The following CASP10 variants were observed in gnomAD, a reference collection of about 807,000 sequenced individuals.
The protein encoded by CASP10 is caspase-10.
Under a neutral mutation model 48.5 loss-of-function variants are expected in CASP10, and 41 were observed. The observed-to-expected ratio is 0.85, with a 90% CI of 0.66 to 1.10. The LOEUF (loss-of-function observed/expected upper bound fraction) is 1.10. Among genes scored for constraint, CASP10 ranks in the 50% least tolerant of loss-of-function variants. The probability of loss-of-function intolerance (pLI) is 0.00; values close to 1 mark genes in which losing one functional copy is unlikely to be tolerated. For synonymous variants in CASP10, 232 were observed against 238.4 expected (o/e 0.97, Z 0.25); for missense variants, 614 against 614.5 (o/e 1.00, Z 0.01).
intron 5 of CASP10, 33 bp downstream of exon 5, chr2:201,195,981 C>A: frequency 6.9e-7 from 1 of 1,442,474 alleles, no homozygotes; most frequent in South Asian, 1.1e-5. Context: ...CAATGCTTAA[C>A]AACCGGCTCC....
At position 201,215,636 on chromosome 2, in the gene CASP10, A is replaced by G. The variant is rs544245901; in HGVS notation, c.1416-1952A>G. Among the ~76,000 whole-genome samples, 6 of 152,230 alleles carry G rather than the reference A, an allele frequency of 3.9e-5. No homozygotes were observed. The South Asian group carries it at 6.2e-4, about 16-fold the overall frequency. On this transcript the variant is annotated intron_variant, in intron 9 of 9. Transcript: ENST00000286186. ...ATGTGTCTGTTTTTATACCACTACC[A>G]TGCTGTTTTGGTAACTCTAGATTTG...
At position 201,220,175 on chromosome 2, in the gene CASP10, A is replaced by G; in HGVS notation, c.*2434A>G. 5.1e-6 allele frequency: 5 copies of G among 983,076 alleles called. No individual in the cohort carries two copies. Among genetic ancestry groups the G allele is most frequent in the Non-Finnish European group, 6.0e-6 (5 of 827,754 alleles). The allele number at this position is 983,076 out of a possible 1,614,324, so 60.9% of individuals were successfully genotyped here. A position where few individuals can be genotyped will look rare whatever the true frequency, so the allele number is the denominator to read the frequency against. On this transcript the variant is annotated 3_prime_UTR_variant, in exon 10 of 10. Transcript: ENST00000286186. The stretch of plus-strand genomic sequence containing the variant: ...GTCTAATCTATATTGACAGGGCAGG[A>G]ACACCGTCATCTTAGACAAACACCG...
At chr2:201,225,189 G>A (rs939041146), downstream of CASP10, among the ~76,000 whole-genome samples, 3 of 152,218 alleles carry the variant, frequency 2.0e-5, no homozygotes, top group East Asian at 3.9e-4. Context: ...TTGTCTTCCC[G>A]ATGTCAGCAC....
intron 4 of CASP10, chr2:201,193,338 G>A: frequency 9.6e-6 from 4 of 418,042 alleles, no homozygotes; most frequent in South Asian, 8.2e-5. Flanking sequence ...CTCCCGAGTA[G>A]CTGGGATTAC....
intron 4 of CASP10, 152 bp downstream of exon 4, chr2:201,193,271 G>A: frequency 6.9e-6 from 5 of 721,138 alleles, no homozygotes; most frequent in Non-Finnish European, 1.2e-5. Flanking sequence ...GCAGTGGTGT[G>A]ATCTTGGCTC....
At chr2:201,214,534 T>G (rs534201948) in intron 9 of CASP10, 1 of 152,278 alleles carries the variant, frequency 6.6e-6, no homozygotes, top group African/African-American at 2.4e-5. Context: ...TTGAATTAGT[T>G]AAAGAATAAT....
intron 9 of CASP10, 34 bp downstream of exon 9, chr2:201,209,596 A>C (rs764208955): frequency 1.3e-6 from 2 of 1,579,534 alleles, no homozygotes; most frequent in Admixed American, 1.9e-5. Flanking sequence ...ATTTGTAATT[A>C]ATTAGTTTTA....
At chr2:201,226,650 G>C (rs1945791189), downstream of CASP10, among the ~76,000 whole-genome samples, 1 of 151,416 alleles carries the variant, frequency 6.6e-6, no homozygotes, top group African/African-American at 2.4e-5. Flanking sequence ...GAGATAAGGA[G>C]GAAGTGTTAG....
At chr2:201,222,220 CT>C (rs11392581), downstream of CASP10, among the ~76,000 whole-genome samples, 312 of 136,578 alleles carry the variant, frequency 2.3e-3, 1 homozygote, top group Middle Eastern at 3.9e-3. Flanking sequence ...TTTATTCATT[CT>C]TTTTTTTTTT....
At chr2:201,203,312 T>C (rs929704689) in intron 5 of CASP10, among the ~76,000 whole-genome samples, 1 of 150,974 alleles carries the variant, frequency 6.6e-6, no homozygotes, top group East Asian at 1.9e-4. Context: ...AACTTTCTTT[T>C]TTTTTTTTTT....
intron 5 of CASP10, among the ~76,000 whole-genome samples, chr2:201,198,492 T>TGGGATTATA (rs1464272265): frequency 6.6e-6 from 1 of 151,292 alleles, no homozygotes; most frequent in Non-Finnish European, 1.5e-5. Context: ...CCCAAAGTGC[T>TGGGATTATA]GGGATTATAG....
At chr2:201,205,203 C>T (rs1037635490) in intron 6 of CASP10, among the ~76,000 whole-genome samples, 2 of 151,558 alleles carry the variant, frequency 1.3e-5, no homozygotes, top group African/African-American at 2.4e-5. Flanking sequence ...TTCTTTTTCC[C>T]CTCTTTTTTC....
In CASP10 at chr2:201,219,492, C is replaced by T. The variant is rs1334990306; in HGVS notation, c.*1751C>T. 2.0e-6 allele frequency: 2 copies of T among 985,454 alleles called. No homozygotes were observed. The highest frequency in any genetic ancestry group is 2.4e-6 in the Non-Finnish European group (2 of 829,964). The allele number at this position is 985,454 out of a possible 1,614,324, so 61.0% of individuals were successfully genotyped here. A position where few individuals can be genotyped will look rare whatever the true frequency, so the allele number is the denominator to read the frequency against. ...CAGGGCTGGCAGATGCAGTAGACTG[C>T]AGTGGACAGTCCCCACCTTGTTACT... On this transcript the variant is annotated 3_prime_UTR_variant, in exon 10 of 10. Coordinates refer to ENST00000286186, the MANE Select transcript of CASP10 (RefSeq NM_032977.4).
At chr2:201,227,149 T>A (rs1945797710) in intron 9 of CASP10, among the ~76,000 whole-genome samples, 1 of 152,200 alleles carries the variant, frequency 6.6e-6, no homozygotes, top group Admixed American at 6.5e-5. Context: ...TCATGTTTTA[T>A]ATCTTCAACT....
chr2:201,197,350 C>T (rs761952072), intron 5 of CASP10, among the ~76,000 whole-genome samples: 6 of 152,142 alleles, frequency 3.9e-5, no homozygotes, highest in Non-Finnish European at 5.9e-5. Context: ...CATGGTGGCC[C>T]ACACCTCCAA....
chr2:201,206,264 C>G, intron 7 of CASP10: 1 of 257,998 alleles, frequency 3.9e-6, no homozygotes, highest in South Asian at 4.6e-5. Context: ...GGGGTAGTTT[C>G]TTTTCTTATC....
chr2:201,215,939 A>G (rs1945555841), intron 9 of CASP10, among the ~76,000 whole-genome samples: 1 of 151,944 alleles, frequency 6.6e-6, no homozygotes, highest in South Asian at 2.1e-4. Flanking sequence ...TTGCCACTGC[A>G]CTTGGCTTGT....
chr2:201,216,022 ATTC>A (rs371403094), intron 9 of CASP10, among the ~76,000 whole-genome samples: 2 of 152,048 alleles, frequency 1.3e-5, no homozygotes, highest in African/African-American at 2.4e-5. Flanking sequence ...TAACAAGATT[ATTC>A]TTCTAACCCA....
chr2:201,220,722 T>A lies in CASP10; in HGVS notation c.*2981T>A, dbSNP rs1327639206. ...CAAGCCACCTTTCATGTTTCTTTCC[T>A]CTTTCTTTAATTCTTACACATGTGT... On this transcript the variant is annotated 3_prime_UTR_variant, in exon 10 of 10. Coordinates refer to ENST00000286186, the MANE Select transcript of CASP10 (RefSeq NM_032977.4). 1.0e-6 allele frequency: 1 copy of A among 984,636 alleles called. No homozygotes were observed. The highest frequency in any genetic ancestry group is 1.7e-5 in the African/African-American group (1 of 57,366). The allele number at this position is 984,636 out of a possible 1,614,324, so 61.0% of individuals were successfully genotyped here. A position where few individuals can be genotyped will look rare whatever the true frequency, so the allele number is the denominator to read the frequency against.
Sources: gnomAD v4.1 joint callset for allele counts (sites outside exome capture counted in the v4.1 genomes callset) on GRCh38, gnomAD v4.1.1 for gene constraint, MANE v1.5 for transcripts, NCBI Gene and HGNC (gene_info 2026-07-23, HGNC 2026-07-21) for gene names.